TCOF1: variants seen among roughly 807,000 people sequenced by gnomAD.
TCOF1 encodes treacle ribosome biogenesis factor 1.
Under a neutral mutation model 149.0 loss-of-function variants are expected in TCOF1, and 33 were observed. The ratio of observed to expected loss-of-function variants is 0.22; its 90% CI spans 0.17 to 0.30. TCOF1 has a LOEUF of 0.30. Ranked by LOEUF, TCOF1 falls within the 10% of genes least tolerant of loss-of-function variation. The pLI is 1.00. For missense variants in TCOF1, 1,728 were observed against 1,840.7 expected, an observed-to-expected ratio of 0.94 and a Z score of 1.12; for synonymous variants, 789 against 738.8, an observed-to-expected ratio of 1.07 and a Z score of -1.10.
intron 1 of TCOF1, 138 bp downstream of exon 1, chr5:150,357,992 T>G: frequency 1.3e-6 from 1 of 782,472 alleles, no homozygotes. Flanking sequence ...CGGCCAGGGG[T>G]ACCGGAGGAG....
At chr5:150,382,927 G>T in intron 17 of TCOF1, 1 of 654,904 alleles carries the variant, frequency 1.5e-6, no homozygotes, top group Non-Finnish European at 2.6e-6. Flanking sequence ...AGGTATCCCT[G>T]TGCATGTGCA....
intron 17 of TCOF1, chr5:150,383,656 A>G (rs1353674386): frequency 3.5e-6 from 5 of 1,417,880 alleles, no homozygotes; most frequent in South Asian, 1.2e-5. Flanking sequence ...AGTTTCCCCA[A>G]ATTCTCATGA....
At chr5:150,391,373 G>A (rs1241359488) in intron 19 of TCOF1, among the ~76,000 whole-genome samples, 171 bp from the exon 20 acceptor site, 1 of 152,204 alleles carries the variant, frequency 6.6e-6, no homozygotes, top group Non-Finnish European at 1.5e-5. Flanking sequence ...TGCTCCTTGA[G>A]AACAATGTGA....
chr5:150,359,083 A>G (rs1759383705), intron 1 of TCOF1, among the ~76,000 whole-genome samples: 2 of 152,036 alleles, frequency 1.3e-5, no homozygotes, highest in South Asian at 4.1e-4. Context: ...ACGGTAGCTC[A>G]CGCCTGTAAT....
At chr5:150,398,628 C>T (rs547007570) in intron 25 of TCOF1, among the ~76,000 whole-genome samples, 177 bp downstream of exon 25, 3 of 152,276 alleles carry the variant, frequency 2.0e-5, no homozygotes, top group Non-Finnish European at 4.4e-5. Flanking sequence ...CACATGGAAG[C>T]CGTAGAAGTG....
At chr5:150,379,197 G>A in intron 15 of TCOF1, 32 bp from the exon 16 acceptor site, 1 of 1,614,122 alleles carries the variant, frequency 6.2e-7, no homozygotes, top group Non-Finnish European at 8.5e-7. Flanking sequence ...AATCACTTTT[G>A]CCTCCAATAC....
chr5:150,369,609 G>A lies in TCOF1; in HGVS notation c.639+7G>A. 1.9e-6 allele frequency: 3 copies of A among 1,614,062 alleles called. No individual in the cohort carries two copies. The highest frequency in any genetic ancestry group is 2.5e-6 in the Non-Finnish European group (3 of 1,180,006). ...TGATGAGACAGACGTGGAGGTAATT[G>A]CCACCCATCCCTAGGAGTTGCCCTC... On this transcript the variant is annotated splice_region_variant and intron_variant, in intron 6 of 26. Coordinates refer to ENST00000643257, the MANE Select transcript of TCOF1 (RefSeq NM_001371623.1).
At chr5:150,387,832 AACCCCATC>A in intron 17 of TCOF1, 62 bp from the exon 18 acceptor site, 1 of 1,605,244 alleles carries the variant, frequency 6.2e-7, no homozygotes, top group African/African-American at 1.3e-5. Flanking sequence ...AACACTCCCT[AACCCCATC>A]ACCTCCTTTC....
chr5:150,358,333 C>G (rs1416701552), intron 1 of TCOF1, among the ~76,000 whole-genome samples: 2 of 152,126 alleles, frequency 1.3e-5, no homozygotes, highest in African/African-American at 4.8e-5. Flanking sequence ...ATTGTCTGTA[C>G]TGAGACGGTC....
rs2150716464 is a variant in TCOF1 at position 150,375,456 on chromosome 5, G to A, written c.1606G>A (p.Ala536Thr). ...GAAGGTGGGGCCTGCAACCCCCTCA[G>A]CCCAGGTGGGGAAGTGGGAGGAGGA... is the stretch of plus-strand genomic sequence containing the variant. ...PGKVGPATPS[A>T]QVGKWEEDSE... The change falls in exon 11 of 27, where the codon GCC (alanine) becomes ACC (threonine). Residue 536 changes from alanine (A) to threonine (T), a missense_variant. Ala to Thr is a moderately conservative substitution (Grantham distance 58). Transcript: ENST00000643257. 1.2e-6 allele frequency: 2 copies of A among 1,614,054 alleles called. No homozygotes were observed. The highest frequency in any genetic ancestry group is 1.1e-5 in the South Asian group (1 of 91,080).
chr5:150,367,779 C>T (rs1761674053), intron 3 of TCOF1, 65 bp from the exon 4 acceptor site: 2 of 1,579,772 alleles, frequency 1.3e-6, no homozygotes, highest in Non-Finnish European at 1.7e-6. Flanking sequence ...GAGATGAAAC[C>T]TGTTTGCCAT....
intron 17 of TCOF1, among the ~76,000 whole-genome samples, chr5:150,386,955 A>T (rs1766422336): frequency 6.6e-6 from 1 of 152,178 alleles, no homozygotes; most frequent in Non-Finnish European, 1.5e-5. Context: ...AAGCATACCC[A>T]AAGATAGATA....
chr5:150,392,444 G>A, intron 21 of TCOF1: 1 of 609,472 alleles, frequency 1.6e-6, no homozygotes, highest in Non-Finnish European at 2.9e-6. Context: ...CATGTTTCTG[G>A]AACAGTGGAA....
At position 150,366,719 on chromosome 5, in the gene TCOF1, A is replaced by G. The variant is rs1251800218; in HGVS notation, c.305-1125A>G. 9.0e-5 allele frequency among the ~76,000 whole-genome samples: 2 copies of G among 22,182 alleles called. 1 individual carries two copies. The highest frequency in any genetic ancestry group is 1.8e-4 in the Non-Finnish European group (2 of 11,260). The allele number at this position is 22,182 out of a possible 152,430, so 14.6% of individuals were successfully genotyped here. A position where few individuals can be genotyped will look rare whatever the true frequency, so the allele number is the denominator to read the frequency against. On this transcript the variant is annotated intron_variant, in intron 3 of 26. Coordinates refer to ENST00000643257, the MANE Select transcript of TCOF1 (RefSeq NM_001371623.1). ...TCGGACTGCGGACTGCAGTGGCGCAATCTCGGCTCACTGCAAGCTCCGCTT... is the reference window on the plus strand; with the variant it reads ...TCGGACTGCGGACTGCAGTGGCGCAGTCTCGGCTCACTGCAAGCTCCGCTT...
At chr5:150,399,613 C>T (rs1769368580) in intron 26 of TCOF1, among the ~76,000 whole-genome samples, 197 bp from the exon 27 acceptor site, 1 of 152,152 alleles carries the variant, frequency 6.6e-6, no homozygotes, top group Non-Finnish European at 1.5e-5. Context: ...AGCCCGCCTC[C>T]TGGGCCAGTG....
At chr5:150,369,875 T>G (rs1762156001) in intron 6 of TCOF1, among the ~76,000 whole-genome samples, 2 of 151,612 alleles carry the variant, frequency 1.3e-5, no homozygotes, top group African/African-American at 2.4e-5. Context: ...TGCCCTGGAG[T>G]AGGGCCTCAA....
chr5:150,363,569 G>A (rs1760651339), intron 2 of TCOF1, among the ~76,000 whole-genome samples: 1 of 152,224 alleles, frequency 6.6e-6, no homozygotes, highest in South Asian at 2.1e-4. Context: ...TCCTCCCTGG[G>A]CCTTTCTGTG....
At chr5:150,399,095 C>T (rs1276392010) in intron 26 of TCOF1, 25 bp downstream of exon 26, 1 of 1,614,002 alleles carries the variant, frequency 6.2e-7, no homozygotes, top group Non-Finnish European at 8.5e-7. Flanking sequence ...CATTCCTGAG[C>T]ATTCAGGGTG....
At chr5:150,387,167 G>A (rs1766461361) in intron 17 of TCOF1, among the ~76,000 whole-genome samples, 1 of 152,150 alleles carries the variant, frequency 6.6e-6, no homozygotes, top group Admixed American at 6.5e-5. Context: ...CTACGATACA[G>A]TGTCACACCT....
Sources: gnomAD v4.1 joint callset for allele counts (sites outside exome capture counted in the v4.1 genomes callset) on GRCh38, gnomAD v4.1.1 for gene constraint, MANE v1.5 for transcripts, NCBI Gene and HGNC (gene_info 2026-07-23, HGNC 2026-07-21) for gene names.